KIF4A: variants seen among roughly 807,000 people sequenced by gnomAD.
The protein encoded by KIF4A is kinesin family member 4A.
Under a neutral mutation model 105.9 loss-of-function variants are expected in KIF4A, and 7 were observed. The observed-to-expected ratio is 0.07, with a 90% confidence interval of 0.04 to 0.12. KIF4A has a LOEUF of 0.12. Among genes scored for constraint, KIF4A ranks in the 10% least tolerant of loss-of-function variants. The pLI, the probability that KIF4A is intolerant of heterozygous loss-of-function variation, is 1.00. For missense variants in KIF4A, 558 were observed against 929.2 expected (o/e 0.60, Z 5.19); for synonymous variants, 281 against 331.3 (o/e 0.85, Z 1.65).
rs1339046929 is a variant in KIF4A at position 70,417,984 on chromosome X, C to T, written c.3352C>T (p.Arg1118Trp). ...CTGTTGCTGTGACCCCACAAAGTGTCGGAACCGCCAGCAAGGCAAGGTAGG... is the reference window on the plus strand; with the variant it reads ...CTGTTGCTGTGACCCCACAAAGTGTTGGAACCGCCAGCAAGGCAAGGTAGG... Reference protein sequence around the residue: ...VDCCCDPTKCRNRQQGKDSLG... With the variant: ...VDCCCDPTKCWNRQQGKDSLG... The change falls in exon 29 of 31, where the codon CGG becomes TGG. Residue 1118 changes from arginine (R) to tryptophan (W), a missense_variant. Around this residue, in one of 2 missense-constraint regions of KIF4A, gnomAD observed 469 missense variants for 680.4 expected, o/e 0.69. Coordinates refer to ENST00000374403, the MANE Select transcript of KIF4A (RefSeq NM_012310.5). 9 of 1,207,132 alleles carry T rather than the reference C, an allele frequency of 7.5e-6. No individual in the cohort carries two copies. The highest frequency in any genetic ancestry group is 2.3e-4 in the Middle Eastern group (1 of 4,364).
At chrX:70,386,787 C>T (rs2086219401) in intron 19 of KIF4A, 86 bp downstream of exon 19, 9 of 689,972 alleles carry the variant, frequency 1.3e-5, no homozygotes, top group East Asian at 3.4e-5. Context: ...AACTAGCAAG[C>T]GTCCTGAGAA....
chrX:70,405,482 T>A (rs901727781), intron 25 of KIF4A, among the ~76,000 whole-genome samples: 3 of 111,614 alleles, frequency 2.7e-5, no homozygotes, highest in Admixed American at 1.9e-4. Context: ...ATCTATAGAC[T>A]TCAAGAAAAT....
At chrX:70,345,792 G>A (rs901903129) in intron 13 of KIF4A, among the ~76,000 whole-genome samples, 1 of 111,780 alleles carries the variant, frequency 8.9e-6, no homozygotes, top group Non-Finnish European at 1.9e-5. Flanking sequence ...ACAGGTGGGA[G>A]AGGTGGCAAA....
chrX:70,402,863 C>T (rs944814232), intron 23 of KIF4A, among the ~76,000 whole-genome samples, 168 bp downstream of exon 23: 4 of 112,201 alleles, frequency 3.6e-5, no homozygotes, highest in Non-Finnish European at 7.5e-5. Context: ...CAAGTACAGG[C>T]CAGTCACTTA....
At position 70,293,526 on chromosome X, in the gene KIF4A, C is replaced by T. The variant is rs963299180; in HGVS notation, c.235+2721C>T. On this transcript the variant is annotated intron_variant, in intron 3 of 30. Coordinates refer to ENST00000374403, the MANE Select transcript of KIF4A (RefSeq NM_012310.5). ...TATGCATCAGTTAACGACAGGGATACCTTCTGAGAAGTGCATTATTAGGCG... is the reference window on the plus strand; with the variant it reads ...TATGCATCAGTTAACGACAGGGATATCTTCTGAGAAGTGCATTATTAGGCG... Among the ~76,000 whole-genome samples the T allele has an allele frequency of 6.3e-5, 7 of 111,975 alleles. No individual in the cohort carries two copies. The Admixed American group carries it at 6.7e-4, about 11-fold the overall frequency.
chrX:70,362,802 C>T (rs1198922495), intron 15 of KIF4A, among the ~76,000 whole-genome samples: 4 of 112,015 alleles, frequency 3.6e-5, no homozygotes, highest in Non-Finnish European at 3.8e-5. Flanking sequence ...AAAGTGCTGG[C>T]ATTACAGGCA....
intron 18 of KIF4A, 45 bp from the exon 19 acceptor site, chrX:70,386,573 T>C: frequency 1.0e-6 from 1 of 990,472 alleles, no homozygotes; most frequent in Non-Finnish European, 1.4e-6. Flanking sequence ...AGGTTTTATT[T>C]TAGCTAGCTG....
intron 1 of KIF4A, 46 bp downstream of exon 1, chrX:70,290,196 G>T: frequency 3.2e-6 from 1 of 315,881 alleles, no homozygotes; most frequent in East Asian, 5.2e-5. Flanking sequence ...TTTTTACCCA[G>T]TACCCTAGGG....
intron 7 of KIF4A, among the ~76,000 whole-genome samples, chrX:70,305,304 C>T (rs1356548452): frequency 1.8e-5 from 2 of 111,646 alleles, no homozygotes; most frequent in Admixed American, 1.9e-4. Flanking sequence ...TTTTCATCAC[C>T]TCAAAAAGAA....
chrX:70,356,426 T>C (rs993032768), intron 15 of KIF4A, among the ~76,000 whole-genome samples: 1 of 109,758 alleles, frequency 9.1e-6, no homozygotes, highest in African/African-American at 3.3e-5. Context: ...AATACAAAAA[T>C]TAGCTGCATG....
rs754084168 is a variant in KIF4A, at chrX:70,387,200, A to G, written c.2135A>G (p.Lys712Arg). Residue 712 changes from lysine (K) to arginine (R), a missense_variant, in exon 20 of 31, where the codon AAG becomes AGG. Physicochemically the swap from Lys to Arg is conservative, Grantham distance 26. Coordinates refer to ENST00000374403, the MANE Select transcript of KIF4A (RefSeq NM_012310.5). ...TTTATTTAGGCAGCAGCTGCCAACA[A>G]GCGTCTCAAGGATGCTCTCCAGAAA... ...RKTEEAAAAN[K>R]RLKDALQKQR... is the part of the protein sequence containing the mutation. The G allele has an allele frequency of 1.4e-5, 16 of 1,175,577 alleles. No individual in the cohort carries two copies. The highest frequency in any genetic ancestry group is 1.9e-5 in the South Asian group (1 of 52,782).
chrX:70,324,099 C>T (rs1178653139), intron 7 of KIF4A, among the ~76,000 whole-genome samples: 1 of 111,601 alleles, frequency 9.0e-6, no homozygotes, highest in Non-Finnish European at 1.9e-5. Flanking sequence ...CCTGGGATTA[C>T]AGGCATGAGC....
chrX:70,372,229 C>T (rs2086140950), intron 15 of KIF4A, among the ~76,000 whole-genome samples: 1 of 112,317 alleles, frequency 8.9e-6, no homozygotes, highest in Non-Finnish European at 1.9e-5. Flanking sequence ...CTCCTCACTT[C>T]CCAGACGGGG....
In KIF4A at chrX:70,406,876, C is replaced by G; in HGVS notation, c.3073-17C>G. ...TTTTTATTAAATAACTAAACTACTC[C>G]AAACCTTTTTTCCTAGCCAAAACCT... On this transcript the variant is annotated splice_polypyrimidine_tract_variant and intron_variant, in intron 27 of 30. Transcript: ENST00000374403. The G allele has an allele frequency of 1.7e-6, 2 of 1,208,250 alleles. No homozygotes were observed. Among genetic ancestry groups the G allele is most frequent in the Non-Finnish European group, 2.2e-6 (2 of 892,691 alleles).
rs769131523 is a variant in KIF4A, at chrX:70,367,204, A to G, written c.1675-6947A>G. ...ACTGATGGGTCTTGACTCTTTATCC[A>G]GTTTGCCAGTCTGTGTCTTTTAATT... is the stretch of plus-strand genomic sequence containing the variant. On this transcript the variant is annotated intron_variant, in intron 15 of 30. Coordinates refer to ENST00000374403, the MANE Select transcript of KIF4A (RefSeq NM_012310.5). 3.6e-5 allele frequency among the ~76,000 whole-genome samples: 4 copies of G among 111,500 alleles called. No homozygotes were observed. The South Asian group carries it at 1.5e-3, about 42-fold the overall frequency.
chrX:70,330,430 A>G (rs751865049), intron 9 of KIF4A, 98 bp downstream of exon 9: 350 of 826,932 alleles, frequency 4.2e-4, no homozygotes, highest in Non-Finnish European at 5.7e-4. Context: ...AAGTTTAGAG[A>G]TGTTGGTTAG....
chrX:70,316,058 T>G (rs1168357968), intron 7 of KIF4A, among the ~76,000 whole-genome samples: 1 of 111,619 alleles, frequency 9.0e-6, no homozygotes, highest in African/African-American at 3.3e-5. Context: ...AGCACCTACT[T>G]GGCTTAAGAA....
chrX:70,299,058 A>G, intron 4 of KIF4A, 55 bp from the exon 5 acceptor site: 1 of 955,924 alleles, frequency 1.0e-6, no homozygotes, highest in Admixed American at 2.6e-5. Flanking sequence ...CTCACCACCC[A>G]GAGATTACCA....
rs1027475706 is a variant in KIF4A, at chrX:70,415,582, G to A, written c.3256-2306G>A. The A allele has an allele frequency of 6.8e-5, 7 of 102,883 alleles. No individual in the cohort carries two copies. The Admixed American group carries it at 8.0e-4, about 12-fold the overall frequency. 8.5% of individuals were successfully genotyped at this position (102,883 alleles called of 1,213,427 possible). On this transcript the variant is annotated intron_variant, in intron 28 of 30. Coordinates refer to ENST00000374403, the MANE Select transcript of KIF4A (RefSeq NM_012310.5). ...TGATTGTGCCACTGCACTCCAGCCTGGGTGACAGAGCAAGACCCTGTCTCC... is the reference window on the plus strand; with the variant it reads ...TGATTGTGCCACTGCACTCCAGCCTAGGTGACAGAGCAAGACCCTGTCTCC...
Sources: allele counts gnomAD v4.1 joint callset (sites outside exome capture counted in the v4.1 genomes callset), GRCh38; gene constraint gnomAD v4.1.1; regional missense constraint gnomAD v4.1.1; transcripts MANE v1.5; gene names NCBI Gene and HGNC (gene_info 2026-07-23, HGNC 2026-07-21).